LGI3: variants seen among roughly 807,000 people sequenced by gnomAD.
LGI3 encodes leucine-rich repeat LGI family member 3.
A neutral mutation model predicts 55.4 loss-of-function variants in LGI3; 47 were observed. The observed-to-expected ratio is 0.85, with a 90% CI of 0.67 to 1.08. The LOEUF (loss-of-function observed/expected upper bound fraction) is 1.08, where lower values mean the gene tolerates loss of function less well. LGI3 is among the 50% of genes least tolerant of loss of function. LGI3 has a pLI of 0.00. For synonymous variants in LGI3, 326 were observed against 315.0 expected, an observed-to-expected ratio of 1.04 and a Z score of -0.37; for missense variants, 664 against 726.3, an observed-to-expected ratio of 0.91 and a Z score of 0.99.
Position 22,147,247 on chromosome 8 carries a change from CAGGA to C in LGI3, c.*909_*912del, listed in dbSNP as rs1013229628. The stretch of plus-strand genomic sequence containing the variant: ...TCCAAGCCTGAGAAAGCGACAGCTA[CAGGA>C]AGGAAGGCAGAAAGGCTTTCAGATG... On this transcript the variant is annotated 3_prime_UTR_variant, in exon 8 of 8. Coordinates refer to ENST00000306317, the MANE Select transcript of LGI3 (RefSeq NM_139278.4). 6.6e-6 allele frequency: 1 copy of C among 152,384 alleles called. No individual in the cohort carries two copies. Among genetic ancestry groups the C allele is most frequent in the Non-Finnish European group, 1.5e-5 (1 of 68,162 alleles). 9.4% of individuals were successfully genotyped at this position (152,384 alleles called of 1,614,324 possible).
At chr8:22,150,365 T>C (rs1377973338) in intron 7 of LGI3, among the ~76,000 whole-genome samples, 2 of 139,730 alleles carry the variant, frequency 1.4e-5, no homozygotes, top group Non-Finnish European at 3.1e-5. Context: ...TTTTTTTTTT[T>C]TTTTTTTTTT....
intron 5 of LGI3, 58 bp from the exon 6 acceptor site, chr8:22,152,058 C>CCCTTTGAGAGCT: frequency 1.4e-6 from 2 of 1,396,284 alleles, no homozygotes. Flanking sequence ...CAGGGCTCTG[C>CCCTTTGAGAGCT]CTACCCAGGC....
At chr8:22,156,275 C>G in intron 1 of LGI3, 62 bp downstream of exon 1, 1 of 1,566,384 alleles carries the variant, frequency 6.4e-7, no homozygotes. Context: ...CCTGTCCTCT[C>G]CCAGAGCTGT....
Position 22,148,933 on chromosome 8 carries a change from G to A in LGI3, c.874C>T (p.Leu292=), listed in dbSNP as rs769451052. ...HCKPMVVDSQ[L]YVVVAQLFGG... ...AACAGCTGGGCCACGACCACGTACA[G>A]CTGGCTGTCCACCACCATCGGCTTG... Residue 292 remains leucine, a synonymous_variant, in exon 8 of 8, where the codon CTG becomes TTG. Coordinates refer to ENST00000306317, the MANE Select transcript of LGI3 (RefSeq NM_139278.4). The surrounding 1 kb of genome is among the most constrained non-coding windows in gnomAD (Gnocchi z 7.0). 1.2e-6 allele frequency: 2 copies of A among 1,613,988 alleles called. No homozygotes were observed. Among genetic ancestry groups the A allele is most frequent in the Admixed American group, 3.3e-5 (2 of 60,010 alleles).
rs1467706543 is a variant in LGI3, at chr8:22,151,550, G to A, written c.768C>T (p.Ala256=). The change falls in exon 7 of 8, where the codon GCC becomes GCT. Residue 256 remains alanine, a synonymous_variant. Transcript: ENST00000306317. The part of the protein sequence containing the change: ...YLALAQPGVS[A]CTILKWDYVE... ...CATAGTCCCACTTCAGGATGGTGCAGGCACTGACTCCTGGCTGGGCCAGAG... is the reference window on the plus strand; with the variant it reads ...CATAGTCCCACTTCAGGATGGTGCAAGCACTGACTCCTGGCTGGGCCAGAG... The A allele has an allele frequency of 6.2e-7, 1 of 1,614,018 alleles. No homozygotes were observed. Among genetic ancestry groups the A allele is most frequent in the African/African-American group, 1.3e-5 (1 of 74,916 alleles).
At position 22,148,760 on chromosome 8, in the gene LGI3, G is replaced by A. The variant is rs375960542; in HGVS notation, c.1047C>T (p.Ser349=). The part of the protein sequence containing the change: ...GDWYFAVADS[S]KAGATSLYRW... ...GGTAGAGGCTGGTGGCGCCTGCCTT[G>A]GAGCTGTCAGCCACGGCAAAGTACC... The change falls in exon 8 of 8, where the codon TCC becomes TCT. Residue 349 remains serine, a synonymous_variant. Coordinates refer to ENST00000306317, the MANE Select transcript of LGI3 (RefSeq NM_139278.4). This position sits in a 1 kb window ranked among gnomAD's most constrained non-coding sequence, Gnocchi z 7.0. 118 of 1,614,210 alleles carry A rather than the reference G, an allele frequency of 7.3e-5. No individual in the cohort carries two copies. In the South Asian group the frequency reaches 1.2e-3, roughly 16 times the overall value.
At chr8:22,156,265 C>A in intron 1 of LGI3, 72 bp downstream of exon 1, 1 of 1,518,448 alleles carries the variant, frequency 6.6e-7, no homozygotes, top group East Asian at 2.3e-5. Flanking sequence ...CGGGGGTTCT[C>A]CTGTCCTCTC....
rs2131794180 is a variant in LGI3 at position 22,151,469 on chromosome 8, A to G, written c.829+20T>C. ...CCTCCCCCTAGCAAGGGCCAGCAGA[A>G]CCAGATTGGGCGCAGGTACCTGGGA... On this transcript the variant is annotated intron_variant, in intron 7 of 7. Coordinates refer to ENST00000306317, the MANE Select transcript of LGI3 (RefSeq NM_139278.4). 6.2e-7 allele frequency: 1 copy of G among 1,612,072 alleles called. No homozygotes were observed. Among genetic ancestry groups the G allele is most frequent in the Non-Finnish European group, 8.5e-7 (1 of 1,178,864 alleles).
At chr8:22,152,062 C>G in intron 5 of LGI3, 62 bp from the exon 6 acceptor site, 1 of 1,368,290 alleles carries the variant, frequency 7.3e-7, no homozygotes, top group Non-Finnish European at 1.0e-6. Flanking sequence ...GCTCTGCCTA[C>G]CCAGGCCCTC....
In LGI3 at chr8:22,147,606, A is replaced by T. The variant is rs1164430805; in HGVS notation, c.*554T>A. The T allele has an allele frequency of 6.4e-6, 1 of 155,798 alleles. No homozygotes were observed. The highest frequency in any genetic ancestry group is 2.4e-5 in the African/African-American group (1 of 41,384). The allele number at this position is 155,798 out of a possible 1,614,324, so 9.7% of individuals were successfully genotyped here. On this transcript the variant is annotated 3_prime_UTR_variant, in exon 8 of 8. Coordinates refer to ENST00000306317, the MANE Select transcript of LGI3 (RefSeq NM_139278.4). ...CGTGCCCTGACATGTTTATAGATGG[A>T]CACCGGGTGCAGTCGGGGCGTGTGA...
At chr8:22,155,607 C>T (rs1396453429) in intron 1 of LGI3, 144 bp from the exon 2 acceptor site, 1 of 685,662 alleles carries the variant, frequency 1.5e-6, no homozygotes, top group Non-Finnish European at 2.6e-6. Context: ...ATCTGTGTGT[C>T]TTTCCCTTCT....
chr8:22,147,982 G>A lies in LGI3; in HGVS notation c.*178C>T, dbSNP rs1827326907. 1.7e-6 allele frequency: 1 copy of A among 594,194 alleles called. No homozygotes were observed. 36.8% of individuals were successfully genotyped at this position (594,194 alleles called of 1,614,324 possible). A position where few individuals can be genotyped will look rare whatever the true frequency, so the allele number is the denominator to read the frequency against. ...TGGTGTTCATGCTGATTGCAGTGAT[G>A]ATGCACGTCCTCCTGGGCCAGTCCA... On this transcript the variant is annotated 3_prime_UTR_variant, in exon 8 of 8. Coordinates refer to ENST00000306317, the MANE Select transcript of LGI3 (RefSeq NM_139278.4).
chr8:22,150,612 C>A (rs903573364), intron 7 of LGI3, among the ~76,000 whole-genome samples: 8 of 152,106 alleles, frequency 5.3e-5, no homozygotes, highest in Non-Finnish European at 1.2e-4. Context: ...CCCGCCTCGG[C>A]CTCCCAAAGT....
rs752604316 is a variant in LGI3, at chr8:22,156,353, A to G, written c.190T>C (p.Ser64Pro). The change falls in exon 1 of 8, where the codon TCG (serine) becomes CCG (proline). Residue 64 changes from serine (S) to proline (P), a missense_variant. Transcript: ENST00000306317. ...DSKAVPRNLP[S>P]EVISLTLVNA... is the part of the protein sequence containing the mutation. ...GACACTCACAGGGAGATGACCTCCG[A>G]GGGCAGGTTCCTGGGCACCGCCTTT... is the stretch of plus-strand genomic sequence containing the variant. 8.7e-6 allele frequency: 14 copies of G among 1,609,270 alleles called. No individual in the cohort carries two copies. The highest frequency in any genetic ancestry group is 6.8e-5 in the East Asian group (3 of 44,422).
intron 6 of LGI3, 58 bp downstream of exon 6, chr8:22,151,773 C>G (rs1353993249): frequency 6.3e-7 from 1 of 1,575,222 alleles, no homozygotes; most frequent in Non-Finnish European, 8.6e-7. Flanking sequence ...GGTTTCGTGT[C>G]TGTAAAGCTG....
At chr8:22,150,148 T>C (rs1283252028) in intron 7 of LGI3, among the ~76,000 whole-genome samples, 1 of 152,132 alleles carries the variant, frequency 6.6e-6, no homozygotes, top group Non-Finnish European at 1.5e-5. Context: ...TACTTTCTAA[T>C]AGTGTGTATG....
At chr8:22,151,721 T>TTGCTTTACTGCTTTAC in intron 6 of LGI3, 68 bp from the exon 7 acceptor site, 1 of 1,580,382 alleles carries the variant, frequency 6.3e-7, no homozygotes, top group Non-Finnish European at 8.7e-7. Context: ...GTGATGGTGG[T>TTGCTTTACTGCTTTAC]TGCTTTACTG....
intron 5 of LGI3, among the ~76,000 whole-genome samples, chr8:22,152,557 C>T (rs964891869): frequency 3.3e-5 from 5 of 151,904 alleles, no homozygotes; most frequent in South Asian, 4.2e-4. Context: ...GCCTGGGCAA[C>T]GTGGTGAAAT....
intron 2 of LGI3, 24 bp downstream of exon 2, chr8:22,155,368 C>A (rs776768833): frequency 1.2e-6 from 2 of 1,611,136 alleles, no homozygotes; most frequent in African/African-American, 2.7e-5. Flanking sequence ...TTCCCCCAAC[C>A]CTTCCACAAG....
Sources: allele counts gnomAD v4.1 joint callset (sites outside exome capture counted in the v4.1 genomes callset), GRCh38; gene constraint gnomAD v4.1.1; non-coding constraint Gnocchi (gnomAD v3.1); transcripts MANE v1.5; gene names NCBI Gene and HGNC (gene_info 2026-07-23, HGNC 2026-07-21).